Variants in CFAP47 observed in about 807,000 individuals in gnomAD.
CFAP47 encodes the protein cilia and flagella associated protein 47.
Under a neutral mutation model 148.1 loss-of-function variants are expected in CFAP47, and 29 were observed. That is an observed-to-expected ratio of 0.20 (90% CI 0.15 to 0.27). The LOEUF is 0.27. Ranked by LOEUF, CFAP47 falls within the 10% of genes least tolerant of loss-of-function variation. CFAP47 has a pLI of 1.00. For missense variants in CFAP47, 1,872 were observed against 1,697.5 expected, an observed-to-expected ratio of 1.10 and a Z score of -1.81; for synonymous variants, 664 against 577.3, an observed-to-expected ratio of 1.15 and a Z score of -2.15.
At chrX:35,966,223 AAGAAAT>A (rs1936400574) in intron 8 of CFAP47, among the ~76,000 whole-genome samples, 1 of 112,431 alleles carries the variant, frequency 8.9e-6, no homozygotes, top group South Asian at 3.4e-4. Context: ...GCTAATATTT[AAGAAAT>A]ATTAGCTGCT....
chrX:36,313,427 C>A (rs1941409842), intron 56 of CFAP47, among the ~76,000 whole-genome samples: 1 of 110,775 alleles, frequency 9.0e-6, no homozygotes, highest in Admixed American at 9.7e-5. Flanking sequence ...ATCAGAACAG[C>A]ATAGGATAAA....
intron 21 of CFAP47, among the ~76,000 whole-genome samples, chrX:36,004,010 T>C (rs1403471946): frequency 1.0e-5 from 1 of 96,608 alleles, no homozygotes; most frequent in African/African-American, 3.9e-5. Context: ...CCTCACTCTG[T>C]CACCCAGGTT....
At chrX:36,015,250 A>T (rs2146704868) in intron 22 of CFAP47, among the ~76,000 whole-genome samples, 1 of 110,535 alleles carries the variant, frequency 9.0e-6, no homozygotes, top group African/African-American at 3.3e-5. Flanking sequence ...AACATAAAAT[A>T]AAATAATAAG....
At chrX:36,376,238 C>T (rs1201084816) in intron 62 of CFAP47, among the ~76,000 whole-genome samples, 4 of 112,191 alleles carry the variant, frequency 3.6e-5, no homozygotes, top group African/African-American at 1.3e-4. Flanking sequence ...ATGTATATTT[C>T]TATTTAGAGA....
Position 36,071,985 on chromosome X carries a change from AT to A in CFAP47, c.4465+15del. 1 of 1,176,547 alleles carries A rather than the reference AT, an allele frequency of 8.5e-7. No homozygotes were observed. Among genetic ancestry groups the A allele is most frequent in the Non-Finnish European group, 1.1e-6 (1 of 872,756 alleles). On this transcript the variant is annotated intron_variant, in intron 28 of 63. Transcript: ENST00000378653. ...ACTTATTTATTGGTATGTAGCAAAT[AT>A]ATAGTGTACTTTCCAAAATTAGTCC... is the stretch of plus-strand genomic sequence containing the variant.
chrX:36,264,571 C>T (rs1241962033), intron 49 of CFAP47, among the ~76,000 whole-genome samples: 1 of 111,719 alleles, frequency 9.0e-6, no homozygotes, highest in Non-Finnish European at 1.9e-5. Flanking sequence ...AATTGCTATG[C>T]TTCTCCTCCT....
intron 63 of CFAP47, among the ~76,000 whole-genome samples, chrX:36,380,513 G>A (rs1328883544): frequency 4.5e-5 from 5 of 111,801 alleles, no homozygotes; most frequent in African/African-American, 1.6e-4. Context: ...GCACGATCTC[G>A]GCTCACTGCA....
chrX:36,014,656 G>A (rs186416712), intron 21 of CFAP47, 118 bp from the exon 22 acceptor site: 267 of 257,567 alleles, frequency 1.0e-3, no homozygotes, highest in African/African-American at 6.7e-3. Context: ...GTTCAATGTC[G>A]CAAGATAATT....
intron 4 of CFAP47, among the ~76,000 whole-genome samples, chrX:35,950,354 G>C (rs766304261): frequency 1.1e-4 from 12 of 111,653 alleles, no homozygotes; most frequent in Non-Finnish European, 2.3e-4. Context: ...TTTCAGCAAA[G>C]AAGTGGGATT....
intron 51 of CFAP47, among the ~76,000 whole-genome samples, chrX:36,295,903 A>G (rs1221574771): frequency 8.9e-6 from 1 of 112,143 alleles, no homozygotes; most frequent in Admixed American, 9.5e-5. Context: ...AATATAGTAC[A>G]GTTAATTAGA....
chrX:36,338,407 A>G (rs1556015245), intron 57 of CFAP47, among the ~76,000 whole-genome samples: 1 of 110,978 alleles, frequency 9.0e-6, no homozygotes, highest in East Asian at 2.9e-4. Context: ...TTTATACACT[A>G]TCATTCTCTT....
At chrX:36,061,345 G>C (rs1011635866) in intron 26 of CFAP47, among the ~76,000 whole-genome samples, 1 of 111,696 alleles carries the variant, frequency 9.0e-6, no homozygotes, top group Non-Finnish European at 1.9e-5. Flanking sequence ...ATACGAGAAT[G>C]AACTAATACA....
At chrX:36,100,758 T>G (rs1368039312) in intron 32 of CFAP47, among the ~76,000 whole-genome samples, 1 of 112,126 alleles carries the variant, frequency 8.9e-6, no homozygotes, top group Non-Finnish European at 1.9e-5. Context: ...ACTCTGTCAG[T>G]AAATTTTTTA....
intron 56 of CFAP47, 134 bp downstream of exon 56, chrX:36,311,123 AAAC>A (rs1369234495): frequency 1.2e-5 from 5 of 402,448 alleles, no homozygotes; most frequent in African/African-American, 7.8e-5. Context: ...ATAAAAGAGA[AAAC>A]AAGATTTGAG....
At chrX:35,948,251 T>C in intron 3 of CFAP47, 63 bp from the exon 4 acceptor site, 1 of 1,029,962 alleles carries the variant, frequency 9.7e-7, no homozygotes. Flanking sequence ...GGTCCCCTAC[T>C]GAGAGTGTAC....
chrX:36,372,662 A>T (rs1556022162), intron 62 of CFAP47, among the ~76,000 whole-genome samples: 1 of 112,045 alleles, frequency 8.9e-6, no homozygotes, highest in Non-Finnish European at 1.9e-5. Flanking sequence ...TTGTATACCT[A>T]AACACAGAAA....
intron 1 of CFAP47, among the ~76,000 whole-genome samples, chrX:35,920,697 G>A (rs1935564463): frequency 9.0e-6 from 1 of 111,610 alleles, no homozygotes; most frequent in South Asian, 3.7e-4. Flanking sequence ...CATCATGTGT[G>A]TGAATGGATG....
chrX:36,352,408 AG>A (rs1215355984), intron 59 of CFAP47, among the ~76,000 whole-genome samples: 3 of 111,443 alleles, frequency 2.7e-5, no homozygotes, highest in Non-Finnish European at 5.7e-5. Context: ...TTTAAATTTT[AG>A]AATAAAATTT....
chrX:36,370,267 C>CA (rs1446616293), intron 62 of CFAP47, among the ~76,000 whole-genome samples: 14 of 82,371 alleles, frequency 1.7e-4, no homozygotes, highest in African/African-American at 5.9e-4. Context: ...CACCCCCCAG[C>CA]AGGCCCCAGT....
Sources: gnomAD v4.1 joint callset for allele counts (sites outside exome capture counted in the v4.1 genomes callset) on GRCh38, gnomAD v4.1.1 for gene constraint, MANE v1.5 for transcripts, NCBI Gene and HGNC (gene_info 2026-07-23, HGNC 2026-07-21) for gene names.